ARHGAP24: variants seen among roughly 807,000 people sequenced by gnomAD.
ARHGAP24 encodes rho GTPase-activating protein 24.
Under a neutral mutation model 76.4 loss-of-function variants are expected in ARHGAP24, and 50 were observed. The ratio of observed to expected loss-of-function variants is 0.65; its 90% CI spans 0.52 to 0.83. The LOEUF (loss-of-function observed/expected upper bound fraction) is 0.83. ARHGAP24 is among the 40% of genes least tolerant of loss of function. The pLI is 0.00. For missense variants in ARHGAP24, 930 were observed against 914.2 expected (o/e 1.02, Z -0.22); for synonymous variants, 345 against 323.3 (o/e 1.07, Z -0.72).
intron 3 of ARHGAP24, among the ~76,000 whole-genome samples, chr4:85,900,538 C>T (rs1264006326): frequency 1.3e-5 from 2 of 151,876 alleles, no homozygotes; most frequent in African/African-American, 2.4e-5. Context: ...GCAACCTCTG[C>T]CTCAGCCTCC....
chr4:85,539,840 A>C (rs948888311), intron 1 of ARHGAP24, among the ~76,000 whole-genome samples: 3 of 152,104 alleles, frequency 2.0e-5, no homozygotes, highest in Non-Finnish European at 4.4e-5. Flanking sequence ...GGATCACCTG[A>C]GGTCAGGAGT....
At chr4:85,492,041 C>G (rs939793112) in intron 1 of ARHGAP24, among the ~76,000 whole-genome samples, 2 of 151,724 alleles carry the variant, frequency 1.3e-5, no homozygotes, top group African/African-American at 4.9e-5. Flanking sequence ...TCCTCTCTCT[C>G]TTCCTCGCCA....
intron 1 of ARHGAP24, among the ~76,000 whole-genome samples, chr4:85,510,255 T>G (rs1046677884): frequency 6.6e-6 from 1 of 152,186 alleles, no homozygotes; most frequent in East Asian, 1.9e-4. Flanking sequence ...TACTTATCAT[T>G]GTGAAAGTGC....
chr4:85,483,516 G>A (rs1029667696), intron 1 of ARHGAP24, among the ~76,000 whole-genome samples: 1 of 152,110 alleles, frequency 6.6e-6, no homozygotes, highest in African/African-American at 2.4e-5. Flanking sequence ...GGAGTCTGAG[G>A]CAGGAGAATT....
At chr4:85,486,933 A>G (rs1032380603) in intron 1 of ARHGAP24, among the ~76,000 whole-genome samples, 5 of 151,584 alleles carry the variant, frequency 3.3e-5, no homozygotes, top group Admixed American at 6.6e-5. Context: ...CTGCATCTGT[A>G]TTGGCTTTGT....
intron 1 of ARHGAP24, among the ~76,000 whole-genome samples, chr4:85,492,514 C>T (rs1304594187): frequency 6.6e-6 from 1 of 152,242 alleles, no homozygotes; most frequent in Non-Finnish European, 1.5e-5. Flanking sequence ...TTTAAAGAGT[C>T]AGTCTGCTCT....
At chr4:85,727,629 A>G (rs1725220426) in intron 3 of ARHGAP24, among the ~76,000 whole-genome samples, 1 of 152,182 alleles carries the variant, frequency 6.6e-6, no homozygotes, top group Admixed American at 6.5e-5. Context: ...CCGAGTATAC[A>G]TTGCTGAAAT....
chr4:85,991,479 A>G (rs1740317705), intron 8 of ARHGAP24: 1 of 152,186 alleles, frequency 6.6e-6, no homozygotes, highest in South Asian at 2.1e-4. Context: ...GCTAGTGAAT[A>G]GATAAACTGT....
intron 1 of ARHGAP24, among the ~76,000 whole-genome samples, chr4:85,555,460 G>A (rs922230019): frequency 2.8e-4 from 42 of 152,214 alleles, no homozygotes; most frequent in Non-Finnish European, 3.8e-4. Context: ...TGATCAAGTA[G>A]GTGGTGCTTA....
chr4:85,891,094 A>T (rs1165498897), intron 3 of ARHGAP24, among the ~76,000 whole-genome samples: 2 of 152,268 alleles, frequency 1.3e-5, no homozygotes, highest in Admixed American at 1.3e-4. Context: ...CATGGTGGGG[A>T]TGTAAACTGG....
rs555481915 is a variant in ARHGAP24 at position 85,630,791 on chromosome 4, TA to T, written c.180+60073del. Among the ~76,000 whole-genome samples the T allele has an allele frequency of 3.7e-3, 565 of 152,176 alleles. 4 individuals are homozygous for T. Among genetic ancestry groups the T allele is most frequent in the African/African-American group, 0.013 (527 of 41,562 alleles). ...AATATTTTATTTGCTTTTTCTATTATAAATAGAATTAAGCATCTTTTTCTAC... is the reference window on the plus strand; with the variant it reads ...AATATTTTATTTGCTTTTTCTATTATAATAGAATTAAGCATCTTTTTCTAC... On this transcript the variant is annotated intron_variant, in intron 2 of 9. Transcript: ENST00000395184.
rs184194656 is a variant in ARHGAP24 at position 85,626,155 on chromosome 4, C to T, written c.180+55434C>T. ...TTTTGCTCATTAGTTGATGCAGTTTCTTCCTAGCCTTGATGGTCTTTACAA... is the reference window on the plus strand; with the variant it reads ...TTTTGCTCATTAGTTGATGCAGTTTTTTCCTAGCCTTGATGGTCTTTACAA... On this transcript the variant is annotated intron_variant, in intron 2 of 9. Transcript: ENST00000395184. Among the ~76,000 whole-genome samples the T allele has an allele frequency of 2.6e-3, 391 of 152,316 alleles. 3 individuals carry two copies. The highest frequency in any genetic ancestry group is 8.3e-3 in the African/African-American group (343 of 41,558).
chr4:85,675,709 G>A (rs943991284), intron 2 of ARHGAP24, among the ~76,000 whole-genome samples: 2 of 152,280 alleles, frequency 1.3e-5, no homozygotes, highest in South Asian at 4.1e-4. Flanking sequence ...TGACTGAAGT[G>A]TGCGCTTTGC....
intron 3 of ARHGAP24, among the ~76,000 whole-genome samples, chr4:85,837,353 G>C (rs1743251320): frequency 6.6e-6 from 1 of 152,284 alleles, no homozygotes; most frequent in South Asian, 2.1e-4. Context: ...TGGGGAAAAG[G>C]TACTTGAATT....
intron 2 of ARHGAP24, among the ~76,000 whole-genome samples, chr4:85,675,535 A>G: frequency 6.6e-6 from 1 of 152,188 alleles, no homozygotes; most frequent in Non-Finnish European, 1.5e-5. Flanking sequence ...TTGCGGGGTA[A>G]CAATTTATGG....
In ARHGAP24 at chr4:85,816,113, G is replaced by C. The variant is rs1331496368; in HGVS notation, c.268+94141G>C. Among the ~76,000 whole-genome samples the C allele has an allele frequency of 2.0e-5, 3 of 152,260 alleles. No individual in the cohort carries two copies. The East Asian group carries it at 5.8e-4, about 29-fold the overall frequency. On this transcript the variant is annotated intron_variant, in intron 3 of 9. Transcript: ENST00000395184. ...CCCACAATACGTGGGAATTATGGGAGTACAATTCAAGATGAGATTTGGGTG... is the reference window on the plus strand; with the variant it reads ...CCCACAATACGTGGGAATTATGGGACTACAATTCAAGATGAGATTTGGGTG...
At chr4:85,851,248 T>TA (rs1731212635) in intron 3 of ARHGAP24, among the ~76,000 whole-genome samples, 1 of 152,238 alleles carries the variant, frequency 6.6e-6, no homozygotes, top group African/African-American at 2.4e-5. Flanking sequence ...TAAAATCTGT[T>TA]TTATCAGAGA....
intron 2 of ARHGAP24, among the ~76,000 whole-genome samples, chr4:85,591,847 A>G (rs141849797): frequency 3.3e-3 from 509 of 152,278 alleles, no homozygotes; most frequent in Admixed American, 6.4e-3. Context: ...AGCACTTAGC[A>G]TGGTACCTGG....
chr4:85,923,812 C>A (rs1434577181), intron 4 of ARHGAP24, 42 bp downstream of exon 4: 1 of 1,613,026 alleles, frequency 6.2e-7, no homozygotes, highest in Non-Finnish European at 8.5e-7. Context: ...AAAGGTAGAC[C>A]AAACCTGTTC....
Sources: allele counts gnomAD v4.1 joint callset (sites outside exome capture counted in the v4.1 genomes callset), GRCh38; gene constraint gnomAD v4.1.1; transcripts MANE v1.5; gene names NCBI Gene and HGNC (gene_info 2026-07-23, HGNC 2026-07-21).